Variants in ADAMTS1 observed in about 807,000 individuals in gnomAD.
ADAMTS1 encodes the protein A disintegrin and metalloproteinase with thrombospondin motifs 1.
ADAMTS1 carries 19 observed loss-of-function variants against 87.9 expected under a neutral mutation model. The ratio of observed to expected loss-of-function variants is 0.22; its 90% CI spans 0.15 to 0.32. The LOEUF (loss-of-function observed/expected upper bound fraction) is 0.32, where lower values mean the gene tolerates loss of function less well. ADAMTS1 is among the 10% of genes least tolerant of loss of function. ADAMTS1 has a pLI of 1.00. For synonymous variants in ADAMTS1, 542 were observed against 501.8 expected (o/e 1.08, Z -1.07); for missense variants, 1,240 against 1,259.1 (o/e 0.98, Z 0.23).
In ADAMTS1 at chr21:26,842,655, A is replaced by T. The variant is rs201198673; in HGVS notation, c.761T>A (p.Val254Glu). 1.0e-4 allele frequency: 166 copies of T among 1,613,572 alleles called. No individual in the cohort carries two copies. Among genetic ancestry groups the T allele is most frequent in the Non-Finnish European group, 1.2e-5 (14 of 1,179,940 alleles). Residue 254 changes from valine to glutamate, a missense_variant, in exon 2 of 9, where the codon GTG becomes GAG. Coordinates refer to ENST00000284984, the MANE Select transcript of ADAMTS1 (RefSeq NM_006988.5). ...GTGSIRKKRFVSSHRYVETML... is the reference protein window; with the variant it reads ...GTGSIRKKRFESSHRYVETML... ...GGTTTCCACATAGCGGTGACTGGACACAAATCGCTTCTTTCTTATGCTTCC... is the reference window on the plus strand; with the variant it reads ...GGTTTCCACATAGCGGTGACTGGACTCAAATCGCTTCTTTCTTATGCTTCC...
In ADAMTS1 at chr21:26,845,015, C is replaced by A. The variant is rs983206980; in HGVS notation, c.-61G>T. The A allele has an allele frequency of 1.4e-5, 21 of 1,467,320 alleles. No homozygotes were observed. Among genetic ancestry groups the A allele is most frequent in the Non-Finnish European group, 1.6e-5 (18 of 1,114,024 alleles). The allele number at this position is 1,467,320 out of a possible 1,614,324, so 90.9% of individuals were successfully genotyped here. ...GGAGCGAGGGACCTTTAGTTCGGGT[C>A]GGGAGAGCAAAGCCTCGTTGGCCTG... On this transcript the variant is annotated 5_prime_UTR_variant, in exon 1 of 9. Transcript: ENST00000284984.
In ADAMTS1 at chr21:26,839,655, G is replaced by A. The variant is rs1167318645; in HGVS notation, c.1960C>T (p.Pro654Ser). 2 of 1,613,692 alleles carry A rather than the reference G, an allele frequency of 1.2e-6. No homozygotes were observed. Among genetic ancestry groups the A allele is most frequent in the Non-Finnish European group, 8.5e-7 (1 of 1,179,634 alleles). Residue 654 changes from proline (P) to serine (S), a missense_variant, in exon 7 of 9, where the codon CCA becomes TCA. By Grantham distance (74) the Pro-to-Ser change is moderately conservative. This residue lies in a region of ADAMTS1 where 402 missense variants were observed against 399.1 expected (regional missense o/e 1.01). Transcript: ENST00000284984. ...EWIPKYAGVS[P>S]KDRCKLICQA... ...CAGATGAGCTTGCACCTGTCCTTTG[G>A]TGAGACGCCAGCGTACTTGGGAATC...
intron 2 of ADAMTS1, 82 bp downstream of exon 2, chr21:26,842,257 T>C: frequency 7.4e-7 from 1 of 1,357,408 alleles, no homozygotes; most frequent in Non-Finnish European, 1.0e-6. Flanking sequence ...AAAACACTGG[T>C]GAAATGCCTT....
chr21:26,840,344 T>G lies in ADAMTS1; in HGVS notation c.1597A>C (p.Ser533Arg). The change falls in exon 5 of 9, where the codon AGC (serine) becomes CGC (arginine). Residue 533 changes from serine (S) to arginine (R), a missense_variant. Around this residue, in one of 3 missense-constraint regions of ADAMTS1, gnomAD observed 317 missense variants for 410.3 expected, o/e 0.77. Coordinates refer to ENST00000284984, the MANE Select transcript of ADAMTS1 (RefSeq NM_006988.5). ...ATACACCATTTCCCTTCTCCACAGC[T>G]GGTGCCATCCGCCCACGGGAAGTGT... Reference protein sequence around the residue: ...TKHFPWADGTSCGEGKWCING... With the variant: ...TKHFPWADGTRCGEGKWCING... The G allele has an allele frequency of 6.2e-7, 1 of 1,614,244 alleles. No homozygotes were observed. The highest frequency in any genetic ancestry group is 1.3e-5 in the African/African-American group (1 of 75,068).
At position 26,837,607 on chromosome 21, in the gene ADAMTS1, T is replaced by C. The variant is rs758426360; in HGVS notation, c.2876A>G (p.Asp959Gly). ...DPLKKPKHFIDFCTMAECS is the reference protein window; with the variant it reads ...DPLKKPKHFIGFCTMAECS ...ACTGCATTCTGCCATTGTGCAAAAG[T>C]CTATGAAATGTTTAGGTTTCTTTAA... Residue 959 changes from aspartate (D) to glycine (G), a missense_variant, in exon 9 of 9, where the codon GAC (aspartate) becomes GGC (glycine). Transcript: ENST00000284984. The C allele has an allele frequency of 3.1e-6, 5 of 1,614,116 alleles. No homozygotes were observed. In the East Asian group the frequency reaches 1.1e-4, roughly 36 times the overall value.
rs751030156 is a variant in ADAMTS1 at position 26,837,725 on chromosome 21, A to G, written c.2758T>C (p.Cys920Arg). The stretch of plus-strand genomic sequence containing the variant: ...TAACCCTTCCCACAGGTCTTAGAAC[A>G]TGATGACCACTCCCCCAGCTGCCAC... Reference protein sequence around the residue: ...PQWQLGEWSSCSKTCGKGYKK... With the variant: ...PQWQLGEWSSRSKTCGKGYKK... Residue 920 changes from cysteine to arginine, a missense_variant, in exon 9 of 9, where the codon TGT (cysteine) becomes CGT (arginine). Physicochemically the swap from Cys to Arg is radical, Grantham distance 180. Around this residue, in one of 3 missense-constraint regions of ADAMTS1, gnomAD observed 402 missense variants for 399.1 expected, o/e 1.01. Transcript: ENST00000284984. 6.2e-7 allele frequency: 1 copy of G among 1,614,214 alleles called. No individual in the cohort carries two copies. The highest frequency in any genetic ancestry group is 8.5e-7 in the Non-Finnish European group (1 of 1,180,030).
intron 1 of ADAMTS1, 39 bp from the exon 2 acceptor site, chr21:26,842,724 T>G: frequency 6.4e-7 from 1 of 1,560,292 alleles, no homozygotes; most frequent in Non-Finnish European, 8.7e-7. Context: ...GGTCAGGCTG[T>G]CCAAGAATAG....
Position 26,837,522 on chromosome 21 carries a change from C to G in ADAMTS1, c.*57G>C. On this transcript the variant is annotated 3_prime_UTR_variant, in exon 9 of 9. Transcript: ENST00000284984. ...GATCCCTCCAGCCTTCTTGCTTTCC[C>G]TGCACCAGCCCTTCCTCACTTTGCC... 1 of 1,519,118 alleles carries G rather than the reference C, an allele frequency of 6.6e-7. No homozygotes were observed. The highest frequency in any genetic ancestry group is 9.1e-7 in the Non-Finnish European group (1 of 1,104,770). The allele number at this position is 1,519,118 out of a possible 1,614,324, so 94.1% of individuals were successfully genotyped here. A position where few individuals can be genotyped will look rare whatever the true frequency, so the allele number is the denominator to read the frequency against.
rs1304490885 is a variant in ADAMTS1, at chr21:26,837,507, G to A, written c.*72C>T. The A allele has an allele frequency of 3.6e-6, 5 of 1,373,060 alleles. No individual in the cohort carries two copies. Among genetic ancestry groups the A allele is most frequent in the Non-Finnish European group, 5.1e-6 (5 of 977,472 alleles). 85.1% of individuals were successfully genotyped at this position (1,373,060 alleles called of 1,614,324 possible). On this transcript the variant is annotated 3_prime_UTR_variant, in exon 9 of 9. Coordinates refer to ENST00000284984, the MANE Select transcript of ADAMTS1 (RefSeq NM_006988.5). ...TGGCAAGATACGCTGGATCCCTCCAGCCTTCTTGCTTTCCCTGCACCAGCC... is the reference window on the plus strand; with the variant it reads ...TGGCAAGATACGCTGGATCCCTCCAACCTTCTTGCTTTCCCTGCACCAGCC...
rs1029634488 is a variant in ADAMTS1, at chr21:26,836,554, A to G, written c.*1025T>C. ...AATCATATTCTCACAGAAGAGCTGA[A>G]CAGACATTCACCAGGATACGACTGT... is the stretch of plus-strand genomic sequence containing the variant. On this transcript the variant is annotated 3_prime_UTR_variant, in exon 9 of 9. Transcript: ENST00000284984. 2 of 152,620 alleles carry G rather than the reference A, an allele frequency of 1.3e-5. No homozygotes were observed. Among genetic ancestry groups the G allele is most frequent in the Admixed American group, 1.3e-4 (2 of 15,278 alleles). 9.5% of individuals were successfully genotyped at this position (152,620 alleles called of 1,614,324 possible). A position where few individuals can be genotyped will look rare whatever the true frequency, so the allele number is the denominator to read the frequency against.
rs1201501007 is a variant in ADAMTS1, at chr21:26,838,487, C to A, written c.2156G>T (p.Gly719Val). The A allele has an allele frequency of 6.2e-7, 1 of 1,614,154 alleles. No homozygotes were observed. The highest frequency in any genetic ancestry group is 1.1e-5 in the South Asian group (1 of 91,082). ...TATTTTTTTACAAGTAGATCCATTT[C>A]CCCCGCAAACACCACATTTATCAAA... Reference protein sequence around the residue: ...KKFDKCGVCGGNGSTCKKISG... With the variant: ...KKFDKCGVCGVNGSTCKKISG... The change falls in exon 8 of 9, where the codon GGA becomes GTA. Residue 719 changes from glycine to valine, a missense_variant. By Grantham distance (109) the Gly-to-Val change is moderately radical (BLOSUM62 -3). Coordinates refer to ENST00000284984, the MANE Select transcript of ADAMTS1 (RefSeq NM_006988.5).
Position 26,837,832 on chromosome 21 carries a change from A to G in ADAMTS1, c.2651T>C (p.Ile884Thr), listed in dbSNP as rs758810398. The G allele has an allele frequency of 1.2e-6, 2 of 1,614,120 alleles. No individual in the cohort carries two copies. Among genetic ancestry groups the G allele is most frequent in the South Asian group, 2.2e-5 (2 of 91,074 alleles). Reference protein sequence around the residue: ...WQRRLVECRDINGQPASECAK... With the variant: ...WQRRLVECRDTNGQPASECAK... ...ACACTCGGAAGCAGGCTGTCCATTA[A>G]TGTCTCGGCATTCTACCAGTCTTCT... The change falls in exon 9 of 9, where the codon ATT (isoleucine) becomes ACT (threonine). Residue 884 changes from isoleucine (I) to threonine (T), a missense_variant. This residue lies in a region of ADAMTS1 where 402 missense variants were observed against 399.1 expected (regional missense o/e 1.01). Transcript: ENST00000284984.
In ADAMTS1 at chr21:26,844,568, C is replaced by T. The variant is rs777093425; in HGVS notation, c.387G>A (p.Val129=). The T allele has an allele frequency of 3.8e-5, 61 of 1,610,798 alleles. No individual in the cohort carries two copies. Among genetic ancestry groups the T allele is most frequent in the Non-Finnish European group, 5.1e-5 (60 of 1,178,874 alleles). ...DLAHCFYSGT[V]NGDPSSAAAL... The stretch of plus-strand genomic sequence containing the variant: ...CGGCAGCCGAGCTGGGATCGCCATT[C>T]ACGGTGCCGGAGTAGAAGCAGTGCG... Residue 129 remains valine (V), a synonymous_variant, in exon 1 of 9, where the codon GTG becomes GTA. Transcript: ENST00000284984.
chr21:26,839,719 A>G lies in ADAMTS1; in HGVS notation c.1896T>C (p.Phe632=), dbSNP rs766585371. The G allele has an allele frequency of 2.5e-6, 4 of 1,613,318 alleles. No individual in the cohort carries two copies. The highest frequency in any genetic ancestry group is 3.4e-6 in the Non-Finnish European group (4 of 1,179,336). The change falls in exon 7 of 9, where the codon TTT becomes TTC. Residue 632 remains phenylalanine (F), a synonymous_variant. Transcript: ENST00000284984. The part of the protein sequence containing the change: ...REEQCEAHNE[F]SKASFGSGPA... ...GCCCACTCCCAAAGGAAGCTTTTGA[A>G]AACTCGTTGTGTGCTTCACATTGTT... is the stretch of plus-strand genomic sequence containing the variant.
chr21:26,836,177 A>G lies in ADAMTS1; in HGVS notation c.*1402T>C, dbSNP rs2123313320. ...TTGCTTCACCTTCCTCTAGAACAAA[A>G]TCTTATTGCCAAATAATTTAAGAAA... On this transcript the variant is annotated 3_prime_UTR_variant, in exon 9 of 9. Coordinates refer to ENST00000284984, the MANE Select transcript of ADAMTS1 (RefSeq NM_006988.5). 6.6e-6 allele frequency: 1 copy of G among 152,208 alleles called. No individual in the cohort carries two copies. The highest frequency in any genetic ancestry group is 1.9e-4 in the East Asian group (1 of 5,186). 9.4% of individuals were successfully genotyped at this position (152,208 alleles called of 1,614,324 possible).
Position 26,844,640 on chromosome 21 carries a change from C to T in ADAMTS1, c.315G>A (p.Val105=). Residue 105 remains valine, a synonymous_variant, in exon 1 of 9, where the codon GTG becomes GTA. Transcript: ENST00000284984. The stretch of plus-strand genomic sequence containing the variant: ...GCGTCTCGGACCCGGATTTGCGCCC[C>T]ACGTTCTGGAGCGTGAAGCCGGGCG... ...FLAPGFTLQN[V]GRKSGSETPL... 1 of 1,605,748 alleles carries T rather than the reference C, an allele frequency of 6.2e-7. No individual in the cohort carries two copies. The highest frequency in any genetic ancestry group is 2.2e-5 in the East Asian group (1 of 44,540).
intron 5 of ADAMTS1, 94 bp downstream of exon 5, chr21:26,840,182 G>T: frequency 6.4e-7 from 1 of 1,557,196 alleles, no homozygotes; most frequent in Non-Finnish European, 8.7e-7. Flanking sequence ...ATTCCTGCTA[G>T]AGGACACGGA....
In ADAMTS1 at chr21:26,845,131, A is replaced by T; in HGVS notation, c.-177T>A. On this transcript the variant is annotated 5_prime_UTR_variant, in exon 1 of 9. Coordinates refer to ENST00000284984, the MANE Select transcript of ADAMTS1 (RefSeq NM_006988.5). ...CGAAGCTCCCGGAGTCACTAAAAGG[A>T]GGCGCTGCAGTTCTGCCGGCGCGCG... 4 of 817,816 alleles carry T rather than the reference A, an allele frequency of 4.9e-6. No individual in the cohort carries two copies. The highest frequency in any genetic ancestry group is 6.6e-6 in the Non-Finnish European group (4 of 603,852). 50.7% of individuals were successfully genotyped at this position (817,816 alleles called of 1,614,324 possible).
At chr21:26,839,328 A>T in intron 7 of ADAMTS1, 1 of 329,788 alleles carries the variant, frequency 3.0e-6, no homozygotes, top group Non-Finnish European at 5.5e-6. Flanking sequence ...TTGACTGTCC[A>T]AAAAGCTTTT....
Sources: allele counts gnomAD v4.1 joint callset, GRCh38; gene constraint gnomAD v4.1.1; regional missense constraint gnomAD v4.1.1; transcripts MANE v1.5; gene names NCBI Gene and HGNC (gene_info 2026-07-23, HGNC 2026-07-21).